The following CCDC88C variants were observed in gnomAD, a reference collection of about 807,000 sequenced individuals.
The protein encoded by CCDC88C is protein Daple.
A neutral mutation model predicts 198.8 loss-of-function variants in CCDC88C; 131 were observed. The ratio of observed to expected loss-of-function variants is 0.66; its 90% CI spans 0.57 to 0.76. The LOEUF is 0.76. CCDC88C is among the 30% of genes least tolerant of loss of function. The pLI, the probability that CCDC88C is intolerant of heterozygous loss-of-function variation, is 0.00. For synonymous variants in CCDC88C, 1,166 were observed against 1,114.7 expected, an observed-to-expected ratio of 1.05 and a Z score of -0.92; for missense variants, 2,553 against 2,631.6, an observed-to-expected ratio of 0.97 and a Z score of 0.65.
At chr14:91,396,753 A>G (rs1366510372) in intron 3 of CCDC88C, among the ~76,000 whole-genome samples, 1 of 152,188 alleles carries the variant, frequency 6.6e-6, no homozygotes, top group Non-Finnish European at 1.5e-5. Context: ...ACATCTCTGT[A>G]AATAAATGGC....
intron 3 of CCDC88C, 166 bp downstream of exon 3, chr14:91,408,493 C>G (rs1886624715): frequency 1.6e-6 from 1 of 625,614 alleles, no homozygotes; most frequent in African/African-American, 1.8e-5. Flanking sequence ...ACCATCTCAT[C>G]CTCACACATG....
At chr14:91,330,154 G>C (rs554223622) in intron 10 of CCDC88C, among the ~76,000 whole-genome samples, 6 of 152,356 alleles carry the variant, frequency 3.9e-5, no homozygotes, top group Middle Eastern at 3.4e-3. Flanking sequence ...TCCCACTCTG[G>C]TTGGGAAACA....
intron 6 of CCDC88C, 37 bp from the exon 7 acceptor site, chr14:91,340,061 A>G (rs748388547): frequency 1.2e-6 from 2 of 1,601,472 alleles, no homozygotes; most frequent in Non-Finnish European, 1.7e-6. Context: ...CAGGGGCGGC[A>G]GAGACGGGCG....
chr14:91,377,475 C>T (rs186801821), intron 3 of CCDC88C, among the ~76,000 whole-genome samples: 99 of 152,228 alleles, frequency 6.5e-4, no homozygotes, highest in African/African-American at 1.6e-3. Context: ...CCCGGCCACC[C>T]GAGCATGGGA....
At chr14:91,405,623 A>G (rs971612649) in intron 3 of CCDC88C, among the ~76,000 whole-genome samples, 2 of 152,202 alleles carry the variant, frequency 1.3e-5, no homozygotes, top group African/African-American at 4.8e-5. Flanking sequence ...TTCACTCAAG[A>G]ACTGAAAGGA....
intron 24 of CCDC88C, among the ~76,000 whole-genome samples, chr14:91,289,626 T>C (rs1292269923): frequency 6.6e-6 from 1 of 152,210 alleles, no homozygotes; most frequent in African/African-American, 2.4e-5. Flanking sequence ...ATGCCGTGCT[T>C]AATTTAGTTG....
At chr14:91,388,339 A>T (rs1885276324) in intron 3 of CCDC88C, among the ~76,000 whole-genome samples, 1 of 152,186 alleles carries the variant, frequency 6.6e-6, no homozygotes, top group South Asian at 2.1e-4. Flanking sequence ...CTCCCATGTA[A>T]AATGAGGGGA....
chr14:91,319,697 A>ACCC (rs1377565312), intron 13 of CCDC88C, among the ~76,000 whole-genome samples: 2 of 152,072 alleles, frequency 1.3e-5, no homozygotes, highest in African/African-American at 4.8e-5. Context: ...CACACACACT[A>ACCC]CCACCTCTAA....
At chr14:91,353,375 C>T (rs149124814) in intron 4 of CCDC88C, among the ~76,000 whole-genome samples, 162 of 152,352 alleles carry the variant, frequency 1.1e-3, no homozygotes, top group African/African-American at 3.9e-3. Flanking sequence ...CACATTCTTG[C>T]ACCATCTTCT....
intron 19 of CCDC88C, among the ~76,000 whole-genome samples, chr14:91,304,713 CCAA>C (rs746869271): frequency 6.6e-6 from 1 of 152,192 alleles, no homozygotes; most frequent in Non-Finnish European, 1.5e-5. Context: ...ACCTCTCCAT[CCAA>C]CAACATCCAA....
intron 5 of CCDC88C, among the ~76,000 whole-genome samples, 155 bp from the exon 6 acceptor site, chr14:91,342,618 C>G (rs886729153): frequency 2.6e-5 from 4 of 152,232 alleles, no homozygotes; most frequent in African/African-American, 7.2e-5. Flanking sequence ...CAGCCTTACA[C>G]TGATGTGTCT....
At chr14:91,331,999 G>A (rs779824873) in intron 10 of CCDC88C, among the ~76,000 whole-genome samples, 43 of 151,944 alleles carry the variant, frequency 2.8e-4, no homozygotes, top group Non-Finnish European at 4.1e-4. Flanking sequence ...CCTGGGTGCA[G>A]ACTCTGCCCA....
intron 19 of CCDC88C, among the ~76,000 whole-genome samples, chr14:91,305,393 C>T (rs1283537715): frequency 2.0e-5 from 3 of 152,166 alleles, no homozygotes; most frequent in African/African-American, 7.2e-5. Context: ...AGAGTTCTGC[C>T]AGGTTCTACA....
In CCDC88C at chr14:91,326,066, A is replaced by C. The variant is rs1468422093; in HGVS notation, c.1051-10T>G. On this transcript the variant is annotated splice_polypyrimidine_tract_variant and intron_variant, in intron 10 of 29. Coordinates refer to ENST00000389857, the MANE Select transcript of CCDC88C (RefSeq NM_001080414.4). ...TATCTTCTCTCAGCTCCTGGTTAGCAAAAACATACATGAGAACCATCAGAT... is the reference window on the plus strand; with the variant it reads ...TATCTTCTCTCAGCTCCTGGTTAGCCAAAACATACATGAGAACCATCAGAT... 2 of 1,606,248 alleles carry C rather than the reference A, an allele frequency of 1.2e-6. No homozygotes were observed. The highest frequency in any genetic ancestry group is 1.7e-6 in the Non-Finnish European group (2 of 1,176,482).
intron 2 of CCDC88C, among the ~76,000 whole-genome samples, chr14:91,414,420 A>C (rs1018825387): frequency 6.6e-6 from 1 of 152,198 alleles, no homozygotes; most frequent in Non-Finnish European, 1.5e-5. Context: ...GCCAGGGTTC[A>C]TTGTTTAGTT....
intron 3 of CCDC88C, among the ~76,000 whole-genome samples, chr14:91,378,383 G>A (rs906204599): frequency 5.9e-5 from 9 of 152,192 alleles, no homozygotes; most frequent in Admixed American, 3.3e-4. Flanking sequence ...CCCGGGGAGC[G>A]CTGGGCCTGA....
chr14:91,344,386 C>T (rs1409221164), intron 4 of CCDC88C, among the ~76,000 whole-genome samples: 1 of 152,132 alleles, frequency 6.6e-6, no homozygotes, highest in East Asian at 1.9e-4. Context: ...AATGAACCTC[C>T]ACAATACACT....
chr14:91,326,723 A>G (rs1462909358), intron 10 of CCDC88C, among the ~76,000 whole-genome samples: 2 of 152,158 alleles, frequency 1.3e-5, no homozygotes, highest in Non-Finnish European at 2.9e-5. Flanking sequence ...AGTCTAGTAG[A>G]CCTCTTAATT....
intron 4 of CCDC88C, among the ~76,000 whole-genome samples, chr14:91,359,036 A>C (rs1373428650): frequency 6.6e-6 from 1 of 152,048 alleles, no homozygotes; most frequent in Admixed American, 6.6e-5. Flanking sequence ...ACACTTACTG[A>C]GGAGGTGAGT....
Sources: gnomAD v4.1 joint callset for allele counts (sites outside exome capture counted in the v4.1 genomes callset) on GRCh38, gnomAD v4.1.1 for gene constraint, MANE v1.5 for transcripts, NCBI Gene and HGNC (gene_info 2026-07-23, HGNC 2026-07-21) for gene names.